The following P4HA3 variants were observed in gnomAD, a reference collection of about 807,000 sequenced individuals.
The protein encoded by P4HA3 is prolyl 4-hydroxylase subunit alpha-3.
In P4HA3, 60 loss-of-function variants were observed where a neutral mutation model predicts 66.7. That is an observed-to-expected ratio of 0.90 (90% CI 0.73 to 1.12). The LOEUF (loss-of-function observed/expected upper bound fraction) is 1.12. Among genes scored for constraint, P4HA3 ranks in the 50% most tolerant of loss-of-function variants. The pLI is 0.00. For synonymous variants in P4HA3, 263 were observed against 274.6 expected, an observed-to-expected ratio of 0.96 and a Z score of 0.42; for missense variants, 683 against 685.8, an observed-to-expected ratio of 1.00 and a Z score of 0.05.
chr11:74,309,937 C>T (rs1358412296), intron 1 of P4HA3, among the ~76,000 whole-genome samples: 1 of 152,152 alleles, frequency 6.6e-6, no homozygotes, highest in African/African-American at 2.4e-5. Flanking sequence ...CAAAGTTTCG[C>T]ACAGGGTGAC....
In P4HA3 at chr11:74,287,476, T is replaced by C. The variant is rs78795428; in HGVS notation, c.770-1085A>G. ...CACCTATAAAAGCACAAAATTTGAGTGGATAGCAAAGATTTTAATAGATCA... is the reference window on the plus strand; with the variant it reads ...CACCTATAAAAGCACAAAATTTGAGCGGATAGCAAAGATTTTAATAGATCA... On this transcript the variant is annotated intron_variant, in intron 5 of 12. Coordinates refer to ENST00000331597, the MANE Select transcript of P4HA3 (RefSeq NM_182904.5). 5.5e-3 allele frequency among the ~76,000 whole-genome samples: 832 copies of C among 152,210 alleles called. 8 individuals are homozygous for C. Among genetic ancestry groups the C allele is most frequent in the African/African-American group, 0.017 (697 of 41,534 alleles).
intron 15 of P4HA3, chr11:74,251,479 T>G: frequency 7.0e-7 from 1 of 1,430,632 alleles, no homozygotes; most frequent in Non-Finnish European, 9.1e-7. Flanking sequence ...TGGGGAGGAG[T>G]CTTCTAGCTC....
intron 9 of P4HA3, among the ~76,000 whole-genome samples, chr11:74,275,014 A>C (rs1248460418): frequency 6.6e-6 from 1 of 152,200 alleles, no homozygotes; most frequent in Non-Finnish European, 1.5e-5. Context: ...CTTTCTGTCC[A>C]TTAAAAAAAA....
intron 2 of P4HA3, among the ~76,000 whole-genome samples, chr11:74,303,292 C>CTTTTTT (rs779313817): frequency 8.1e-6 from 1 of 123,226 alleles, no homozygotes; most frequent in Non-Finnish European, 1.7e-5. Flanking sequence ...CAACAAACTT[C>CTTTTTT]TTTTTTTTTT....
At chr11:74,296,873 A>G (rs1230992112) in intron 4 of P4HA3, among the ~76,000 whole-genome samples, 1 of 151,332 alleles carries the variant, frequency 6.6e-6, no homozygotes, top group African/African-American at 2.4e-5. Flanking sequence ...TGGCTTTAAC[A>G]CACAGCAATT....
At chr11:74,306,817 G>C (rs893651861) in intron 1 of P4HA3, among the ~76,000 whole-genome samples, 1 of 152,166 alleles carries the variant, frequency 6.6e-6, no homozygotes, top group Non-Finnish European at 1.5e-5. Flanking sequence ...CCTGGACCTG[G>C]GTCTCCCAGT....
chr11:74,259,605 C>T (rs1222682609), intron 15 of P4HA3, among the ~76,000 whole-genome samples: 2 of 152,176 alleles, frequency 1.3e-5, no homozygotes, highest in African/African-American at 4.8e-5. Context: ...TAACTCCTGC[C>T]TGCGTCCCCA....
chr11:74,307,968 A>G (rs554240443), intron 1 of P4HA3, among the ~76,000 whole-genome samples: 1 of 152,338 alleles, frequency 6.6e-6, no homozygotes, highest in Non-Finnish European at 1.5e-5. Flanking sequence ...AAACAGCAAC[A>G]ACAAAAGCTA....
intron 4 of P4HA3, 90 bp from the exon 5 acceptor site, chr11:74,289,220 T>C (rs1347384915): frequency 4.5e-6 from 4 of 880,854 alleles, no homozygotes; most frequent in East Asian, 3.4e-5. Flanking sequence ...AAAAAAAAGA[T>C]AAAATATTCT....
In P4HA3 at chr11:74,286,376, C is replaced by T. The variant is rs886271236; in HGVS notation, c.785G>A (p.Arg262Lys). 1.3e-6 allele frequency: 2 copies of T among 1,548,930 alleles called. No individual in the cohort carries two copies. The highest frequency in any genetic ancestry group is 1.7e-6 in the Non-Finnish European group (2 of 1,148,948). ...EFLLYSPDNK[R>K]MARNVLKYER... ...ATATTTCAAGACATTCCTGGCCATC[C>T]TCTTATTATCTGGGCCTGGAAGAAA... is the stretch of plus-strand genomic sequence containing the variant. Residue 262 changes from arginine to lysine, a missense_variant, in exon 6 of 13, where the codon AGG (arginine) becomes AAG (lysine). Physicochemically the swap from Arg to Lys is conservative, Grantham distance 26. Coordinates refer to ENST00000331597, the MANE Select transcript of P4HA3 (RefSeq NM_182904.5).
chr11:74,284,329 T>G (rs1860707114), intron 7 of P4HA3, among the ~76,000 whole-genome samples: 3 of 152,250 alleles, frequency 2.0e-5, no homozygotes, highest in Non-Finnish European at 4.4e-5. Context: ...TGCTTTGCTC[T>G]GACCAGTGAA....
rs74903268 is a variant in P4HA3 at position 74,309,606 on chromosome 11, G to C, written c.200+1806C>G. Among the ~76,000 whole-genome samples the C allele has an allele frequency of 7.1e-3, 1,086 of 152,284 alleles. 31 individuals are homozygous for C. Among genetic ancestry groups the C allele is most frequent in the East Asian group, 0.049 (253 of 5,192 alleles). The stretch of plus-strand genomic sequence containing the variant: ...AATTCTGTCCTATTTCCACTAATAA[G>C]CTTGGACTCCAATGACTCTGGGCTA... On this transcript the variant is annotated intron_variant, in intron 1 of 12. Transcript: ENST00000331597.
chr11:74,281,742 G>A (rs1204278599), intron 7 of P4HA3, among the ~76,000 whole-genome samples: 1 of 151,852 alleles, frequency 6.6e-6, no homozygotes, highest in Non-Finnish European at 1.5e-5. Flanking sequence ...AGGGAGGTGG[G>A]AGGGATAGCA....
intron 1 of P4HA3, among the ~76,000 whole-genome samples, chr11:74,310,300 C>T (rs968689396): frequency 2.0e-5 from 3 of 152,210 alleles, no homozygotes; most frequent in Admixed American, 1.3e-4. Context: ...GCCTCAGCAT[C>T]CCAAGTCTGA....
intron 15 of P4HA3, among the ~76,000 whole-genome samples, chr11:74,255,106 T>C (rs1226313481): frequency 2.0e-5 from 3 of 152,192 alleles, no homozygotes; most frequent in Admixed American, 6.5e-5. Context: ...CCACTTCATA[T>C]TGACTGTTTC....
chr11:74,296,730 T>C (rs1591127758), intron 4 of P4HA3, among the ~76,000 whole-genome samples: 1 of 152,114 alleles, frequency 6.6e-6, no homozygotes, highest in African/African-American at 2.4e-5. Flanking sequence ...GGGTACAACA[T>C]TTGAAACTCC....
intron 4 of P4HA3, among the ~76,000 whole-genome samples, chr11:74,291,322 T>G (rs952666758): frequency 6.6e-6 from 1 of 152,220 alleles, no homozygotes; most frequent in Non-Finnish European, 1.5e-5. Flanking sequence ...CTGAAGTTGC[T>G]TATCAGCTTG....
At chr11:74,287,201 T>A in intron 5 of P4HA3, 1 of 1,286,678 alleles carries the variant, frequency 7.8e-7, no homozygotes, top group African/African-American at 1.5e-5. Context: ...TGACTCTCAA[T>A]GCATCTCAGA....
At chr11:74,299,999 G>A (rs868187619) in intron 3 of P4HA3, among the ~76,000 whole-genome samples, 2 of 152,190 alleles carry the variant, frequency 1.3e-5, no homozygotes, top group South Asian at 2.1e-4. Flanking sequence ...GTTTGTTTCT[G>A]TCTAGCTCTG....
Sources: gnomAD v4.1 joint callset for allele counts (sites outside exome capture counted in the v4.1 genomes callset) on GRCh38, gnomAD v4.1.1 for gene constraint, MANE v1.5 for transcripts, NCBI Gene and HGNC (gene_info 2026-07-23, HGNC 2026-07-21) for gene names.